The following PTPN14 variants were observed in gnomAD, a reference collection of about 807,000 sequenced individuals.
PTPN14 encodes the protein protein tyrosine phosphatase non-receptor type 14.
PTPN14 carries 53 observed loss-of-function variants against 126.8 expected under a neutral mutation model. The ratio of observed to expected loss-of-function variants is 0.42; its 90% CI spans 0.34 to 0.53. PTPN14 has a LOEUF of 0.53. Among genes scored for constraint, PTPN14 ranks in the 20% least tolerant of loss-of-function variants. PTPN14 has a pLI of 0.08. For missense variants in PTPN14, 1,257 were observed against 1,552.9 expected, an observed-to-expected ratio of 0.81 and a Z score of 3.20; for synonymous variants, 630 against 599.3, an observed-to-expected ratio of 1.05 and a Z score of -0.75.
Position 214,427,018 on chromosome 1 carries a change from C to T in PTPN14, c.345-12292G>A, listed in dbSNP as rs987207447. 5.3e-5 allele frequency among the ~76,000 whole-genome samples: 8 copies of T among 152,254 alleles called. No individual in the cohort carries two copies. The East Asian group carries it at 9.6e-4, about 18-fold the overall frequency. On this transcript the variant is annotated intron_variant, in intron 3 of 18. Coordinates refer to ENST00000366956, the MANE Select transcript of PTPN14 (RefSeq NM_005401.5). ...GATTACAGGCCAGCGTGGTGGCTCA[C>T]GCCTGTAATCCCAGCACTTTGTGGG... is the stretch of plus-strand genomic sequence containing the variant.
At chr1:214,409,324 C>A (rs1379012453) in intron 5 of PTPN14, among the ~76,000 whole-genome samples, 1 of 152,170 alleles carries the variant, frequency 6.6e-6, no homozygotes, top group African/African-American at 2.4e-5. Context: ...TGAGATTGGG[C>A]AGTATTTGTC....
intron 7 of PTPN14, 143 bp from the exon 8 acceptor site, chr1:214,398,144 G>A: frequency 1.6e-6 from 1 of 621,040 alleles, no homozygotes; most frequent in South Asian, 2.4e-5. Context: ...GTACAAGGGA[G>A]TACCATTCAG....
At chr1:214,497,168 A>G (rs1654545766) in intron 1 of PTPN14, among the ~76,000 whole-genome samples, 1 of 152,174 alleles carries the variant, frequency 6.6e-6, no homozygotes, top group South Asian at 2.1e-4. Flanking sequence ...AACCTGGAGG[A>G]AAATACTTGC....
In PTPN14 at chr1:214,451,981, A is replaced by T. The variant is rs376066911; in HGVS notation, c.175-7T>A. 7.6e-5 allele frequency: 123 copies of T among 1,611,574 alleles called. 1 individual carries two copies. The highest frequency in any genetic ancestry group is 1.0e-4 in the Non-Finnish European group (120 of 1,178,842). ...AAAGGCCAAAGTAGTGCGTCTAGAT[A>T]AAAGGGTAAAATAGCATCAGTTCAT... is the stretch of plus-strand genomic sequence containing the variant. On this transcript the variant is annotated splice_polypyrimidine_tract_variant and splice_region_variant and intron_variant, in intron 2 of 18. Transcript: ENST00000366956.
At chr1:214,436,251 A>G (rs1659912540) in intron 3 of PTPN14, among the ~76,000 whole-genome samples, 1 of 152,162 alleles carries the variant, frequency 6.6e-6, no homozygotes. Flanking sequence ...TTGAGGATGG[A>G]GGGTGAGAGG....
chr1:214,392,891 T>C (rs1269721174), intron 10 of PTPN14, among the ~76,000 whole-genome samples: 1 of 152,204 alleles, frequency 6.6e-6, no homozygotes, highest in Non-Finnish European at 1.5e-5. Flanking sequence ...ATACTCTACA[T>C]ACTCTCGGAT....
At position 214,351,206 on chromosome 1, in the gene PTPN14, G is replaced by A. The variant is rs1361765958; in HGVS notation, c.*6716C>T. Reference sequence around the variant, plus strand: ...CTAAAAATATAAAAATTAGCCGGGTGTGGTGGTGCACGCCTATAATCCCAG... The same window carrying A: ...CTAAAAATATAAAAATTAGCCGGGTATGGTGGTGCACGCCTATAATCCCAG... On this transcript the variant is annotated 3_prime_UTR_variant, in exon 19 of 19. Transcript: ENST00000366956. 2 of 151,094 alleles carry A rather than the reference G, an allele frequency of 1.3e-5. No homozygotes were observed. The highest frequency in any genetic ancestry group is 1.3e-4 in the Admixed American group (2 of 15,132). 9.4% of individuals were successfully genotyped at this position (151,094 alleles called of 1,614,324 possible).
chr1:214,411,196 C>G (rs926488930), intron 5 of PTPN14, among the ~76,000 whole-genome samples: 1 of 151,606 alleles, frequency 6.6e-6, no homozygotes, highest in African/African-American at 2.4e-5. Flanking sequence ...TTTTTTAATG[C>G]TATTGTAAAT....
intron 1 of PTPN14, among the ~76,000 whole-genome samples, chr1:214,494,717 G>T (rs963430016): frequency 6.6e-6 from 1 of 152,152 alleles, no homozygotes; most frequent in African/African-American, 2.4e-5. Flanking sequence ...ATGTTTGGAC[G>T]TCTAAAGGAA....
At chr1:214,449,248 C>T (rs77995301) in intron 3 of PTPN14, among the ~76,000 whole-genome samples, 1 of 151,922 alleles carries the variant, frequency 6.6e-6, no homozygotes, top group East Asian at 1.9e-4. Flanking sequence ...CCTCGTGATC[C>T]GCCCGCCTCG....
At chr1:214,404,208 A>T (rs114200633) in intron 5 of PTPN14, among the ~76,000 whole-genome samples, 109 of 152,340 alleles carry the variant, frequency 7.2e-4, no homozygotes, top group African/African-American at 2.5e-3. Context: ...TAAAACTGGA[A>T]AGCACAGACA....
intron 1 of PTPN14, among the ~76,000 whole-genome samples, chr1:214,490,653 A>T (rs1661208557): frequency 6.6e-6 from 1 of 151,748 alleles, no homozygotes; most frequent in Admixed American, 6.6e-5. Context: ...CCTAGCCAAC[A>T]TGGTGAAACC....
intron 4 of PTPN14, among the ~76,000 whole-genome samples, chr1:214,414,345 C>G (rs543730480): frequency 6.6e-6 from 1 of 152,302 alleles, no homozygotes; most frequent in East Asian, 1.9e-4. Context: ...GTTCCACAAA[C>G]CCTGAAATGT....
chr1:214,420,382 T>A (rs971904889), intron 3 of PTPN14, among the ~76,000 whole-genome samples: 5 of 152,236 alleles, frequency 3.3e-5, no homozygotes, highest in Non-Finnish European at 7.3e-5. Flanking sequence ...ATACCCTATT[T>A]TGCCAGAGAC....
intron 2 of PTPN14, among the ~76,000 whole-genome samples, chr1:214,462,695 T>C (rs185479570): frequency 6.6e-6 from 1 of 152,340 alleles, no homozygotes; most frequent in East Asian, 1.9e-4. Flanking sequence ...TATTTTAGCT[T>C]GGACCACATT....
intron 6 of PTPN14, among the ~76,000 whole-genome samples, chr1:214,402,662 GAA>G (rs1659054037): frequency 7.8e-6 from 1 of 128,058 alleles, no homozygotes; most frequent in Non-Finnish European, 1.7e-5. Context: ...AGGAAGGAAG[GAA>G]GGAAGGAAGG....
In PTPN14 at chr1:214,383,782, C is replaced by T; in HGVS notation, c.2073G>A (p.Gln691=). ...SGSHEVPQLP[Q]YHHKKTFSDA... ...CAGAGAAGGTCTTCTTGTGGTGATA[C>T]TGAGGGAGCTGGGGGACCTCGTGGC... is the stretch of plus-strand genomic sequence containing the variant. Residue 691 remains glutamine (Q), a synonymous_variant, in exon 13 of 19, where the codon CAG becomes CAA. Transcript: ENST00000366956. This position sits in a 1 kb window ranked among gnomAD's most constrained non-coding sequence, Gnocchi z 4.4. 1 of 1,613,128 alleles carries T rather than the reference C, an allele frequency of 6.2e-7. No homozygotes were observed. Among genetic ancestry groups the T allele is most frequent in the Admixed American group, 1.7e-5 (1 of 60,032 alleles).
At chr1:214,486,618 C>G (rs1456433854) in intron 1 of PTPN14, among the ~76,000 whole-genome samples, 1 of 152,002 alleles carries the variant, frequency 6.6e-6, no homozygotes, top group African/African-American at 2.4e-5. Context: ...GGGCCCAGAA[C>G]AAAACGGAAA....
chr1:214,416,320 A>G (rs1283469115), intron 3 of PTPN14, among the ~76,000 whole-genome samples: 1 of 152,236 alleles, frequency 6.6e-6, no homozygotes, highest in Non-Finnish European at 1.5e-5. Context: ...TGCCAGAGGT[A>G]GAGCTTTGTT....
Sources: gnomAD v4.1 joint callset for allele counts (sites outside exome capture counted in the v4.1 genomes callset) on GRCh38, gnomAD v4.1.1 for gene constraint, Gnocchi (gnomAD v3.1) non-coding constraint, MANE v1.5 for transcripts, NCBI Gene and HGNC (gene_info 2026-07-23, HGNC 2026-07-21) for gene names.